Variants in TBC1D5 observed in about 807,000 individuals in gnomAD.
TBC1D5 encodes the protein TBC1 domain family member 5.
In TBC1D5, 75 loss-of-function variants were observed where a neutral mutation model predicts 100.3. The ratio of observed to expected loss-of-function variants is 0.75; its 90% CI spans 0.62 to 0.91. The LOEUF is 0.91. Among genes scored for constraint, TBC1D5 ranks in the 40% least tolerant of loss-of-function variants. The probability of loss-of-function intolerance (pLI) is 0.00; values close to 1 mark genes in which losing one functional copy is unlikely to be tolerated. For missense variants in TBC1D5, 910 were observed against 942.4 expected, an observed-to-expected ratio of 0.97 and a Z score of 0.45; for synonymous variants, 323 against 325.6, an observed-to-expected ratio of 0.99 and a Z score of 0.09.
At chr3:17,306,038 C>T (rs574657609) in intron 14 of TBC1D5, among the ~76,000 whole-genome samples, 2 of 152,292 alleles carry the variant, frequency 1.3e-5, no homozygotes, top group South Asian at 4.1e-4. Context: ...AGTCTCTCTC[C>T]CTTTGTACTC....
chr3:17,269,708 C>T (rs751108794), intron 15 of TBC1D5, among the ~76,000 whole-genome samples: 6 of 151,928 alleles, frequency 3.9e-5, no homozygotes, highest in Admixed American at 3.9e-4. Context: ...CAGTTGAACC[C>T]AAGATATAGC....
chr3:17,313,284 G>A (rs1213972958), intron 13 of TBC1D5, among the ~76,000 whole-genome samples: 1 of 152,152 alleles, frequency 6.6e-6, no homozygotes, highest in Non-Finnish European at 1.5e-5. Context: ...AAATTACTTA[G>A]AAGCCACTGC....
chr3:17,288,889 G>T (rs1218500332), intron 15 of TBC1D5, among the ~76,000 whole-genome samples: 1 of 152,192 alleles, frequency 6.6e-6, no homozygotes, highest in Non-Finnish European at 1.5e-5. Flanking sequence ...CCCTTGTGAT[G>T]GGAAGCAGCA....
chr3:17,327,346 G>A (rs566641198), intron 13 of TBC1D5, among the ~76,000 whole-genome samples: 10 of 152,258 alleles, frequency 6.6e-5, no homozygotes, highest in Admixed American at 5.9e-4. Context: ...TAAGTCAGGC[G>A]ACATCATGTC....
At chr3:17,569,052 C>A (rs906578849) in intron 2 of TBC1D5, among the ~76,000 whole-genome samples, 1 of 151,746 alleles carries the variant, frequency 6.6e-6, no homozygotes, top group Non-Finnish European at 1.5e-5. Flanking sequence ...AGATTTGTAG[C>A]CATACACTGG....
chr3:17,460,679 G>A (rs990027315), intron 3 of TBC1D5, among the ~76,000 whole-genome samples: 2 of 151,060 alleles, frequency 1.3e-5, no homozygotes, highest in African/African-American at 2.4e-5. Context: ...AGCTCTTAGC[G>A]CATAGGCCCA....
intron 4 of TBC1D5, among the ~76,000 whole-genome samples, chr3:17,417,092 C>G (rs1338517905): frequency 6.6e-6 from 1 of 152,078 alleles, no homozygotes; most frequent in East Asian, 1.9e-4. Context: ...TTACTGTGAA[C>G]TGAACAAAAT....
At chr3:17,616,367 G>T (rs1481539511) in intron 2 of TBC1D5, among the ~76,000 whole-genome samples, 2 of 152,002 alleles carry the variant, frequency 1.3e-5, no homozygotes, top group Admixed American at 6.6e-5. Flanking sequence ...ATATTCTGTT[G>T]AGTTGGGGTG....
chr3:17,597,487 C>A (rs1191972000), intron 2 of TBC1D5, among the ~76,000 whole-genome samples: 1 of 152,186 alleles, frequency 6.6e-6, no homozygotes, highest in African/African-American at 2.4e-5. Flanking sequence ...AACCATTACA[C>A]CATGCTATAC....
At chr3:17,598,901 T>A (rs1576936141) in intron 2 of TBC1D5, among the ~76,000 whole-genome samples, 1 of 152,224 alleles carries the variant, frequency 6.6e-6, no homozygotes, top group African/African-American at 2.4e-5. Flanking sequence ...AAAGGAAATC[T>A]AAACTGGATT....
chr3:17,437,621 GTAGA>G (rs2094560102), intron 3 of TBC1D5, among the ~76,000 whole-genome samples: 1 of 82,132 alleles, frequency 1.2e-5, no homozygotes, highest in African/African-American at 4.7e-5. Flanking sequence ...AGAGACAGAG[GTAGA>G]GAGAGAGAGA....
intron 2 of TBC1D5, among the ~76,000 whole-genome samples, chr3:17,569,914 T>C (rs969232957): frequency 2.0e-5 from 3 of 151,908 alleles, no homozygotes; most frequent in Non-Finnish European, 4.4e-5. Context: ...CATCAAATTA[T>C]CAATTAAGAC....
upstream of TBC1D5, chr3:17,740,908 C>G (rs527780907): frequency 2.0e-5 from 3 of 152,304 alleles, no homozygotes; most frequent in East Asian, 5.8e-4. Context: ...GATGCAGTCA[C>G]CATACAGCAT....
chr3:17,378,480 T>C (rs867214325), intron 9 of TBC1D5, among the ~76,000 whole-genome samples: 5 of 152,056 alleles, frequency 3.3e-5, no homozygotes, highest in Middle Eastern at 3.4e-3. Flanking sequence ...CCCAAAATTT[T>C]ATTGACCGTT....
At chr3:17,719,002 A>G (rs1212630002) in intron 1 of TBC1D5, among the ~76,000 whole-genome samples, 2 of 152,212 alleles carry the variant, frequency 1.3e-5, no homozygotes, top group African/African-American at 4.8e-5. Flanking sequence ...AACAATATCA[A>G]TAATTCCTTG....
At chr3:17,693,429 T>C (rs2071477416) in intron 1 of TBC1D5, among the ~76,000 whole-genome samples, 1 of 152,134 alleles carries the variant, frequency 6.6e-6, no homozygotes, top group South Asian at 2.1e-4. Context: ...AAGGAGATTC[T>C]CTCCTGTGCC....
rs576554219 is a variant in TBC1D5 at position 17,462,297 on chromosome 3, C to T, written c.98-33778G>A. Among the ~76,000 whole-genome samples the T allele has an allele frequency of 7.2e-4, 107 of 148,562 alleles. 1 individual carries two copies. The highest frequency in any genetic ancestry group is 1.1e-3 in the Non-Finnish European group (76 of 67,438). On this transcript the variant is annotated intron_variant, in intron 3 of 21. Coordinates refer to ENST00000253692, the Ensembl canonical transcript of TBC1D5. ...CCTGGTTTCCTTCATTACCCACGTG[C>T]TATATTTAAATGTTTCGGACCTTAA...
intron 2 of TBC1D5, among the ~76,000 whole-genome samples, chr3:17,566,219 AG>A (rs1193796618): frequency 1.3e-5 from 2 of 152,096 alleles, no homozygotes; most frequent in African/African-American, 4.8e-5. Flanking sequence ...CACATCTAAC[AG>A]TCTGCTGTGA....
intron 4 of TBC1D5, chr3:17,406,790 T>C (rs999706008): frequency 2.5e-6 from 1 of 397,438 alleles, no homozygotes; most frequent in Non-Finnish European, 4.4e-6. Flanking sequence ...TCCTCTAAAA[T>C]GCTGATAGTA....
Sources: gnomAD v4.1 joint callset for allele counts (sites outside exome capture counted in the v4.1 genomes callset) on GRCh38, gnomAD v4.1.1 for gene constraint, MANE v1.5 for transcripts, NCBI Gene and HGNC (gene_info 2026-07-23, HGNC 2026-07-21) for gene names.